The following AKT3 variants were observed in gnomAD, a reference collection of about 807,000 sequenced individuals.
AKT3 encodes AKT serine/threonine kinase 3, also known as RAC-gamma serine/threonine-protein kinase.
In AKT3, 15 loss-of-function variants were observed where a neutral mutation model predicts 65.3. That is an observed-to-expected ratio of 0.23 (90% CI 0.15 to 0.35). AKT3 has a LOEUF of 0.35. Ranked by LOEUF, AKT3 falls within the 10% of genes least tolerant of loss-of-function variation. AKT3 has a pLI of 1.00. For synonymous variants in AKT3, 206 were observed against 183.8 expected, an observed-to-expected ratio of 1.12 and a Z score of -0.98; for missense variants, 243 against 576.5, an observed-to-expected ratio of 0.42 and a Z score of 5.92.
intron 6 of AKT3, among the ~76,000 whole-genome samples, chr1:243,630,113 C>T (rs977125137): frequency 2.6e-5 from 4 of 152,140 alleles, no homozygotes; most frequent in Non-Finnish European, 5.9e-5. Context: ...TACAAAAGCT[C>T]AAAATACCGT....
chr1:243,817,950 T>C (rs1347350442), intron 2 of AKT3: 1 of 152,242 alleles, frequency 6.6e-6, no homozygotes, highest in African/African-American at 2.4e-5. Context: ...TGACATCTAT[T>C]TTAAGATGTT....
At chr1:243,773,207 A>AAAAT (rs769136156) in intron 2 of AKT3, among the ~76,000 whole-genome samples, 1 of 145,292 alleles carries the variant, frequency 6.9e-6, no homozygotes, top group African/African-American at 2.5e-5. Flanking sequence ...ATATATAAAA[A>AAAAT]ATATATATAT....
At chr1:243,650,276 G>C (rs1372661450) in intron 4 of AKT3, among the ~76,000 whole-genome samples, 1 of 152,088 alleles carries the variant, frequency 6.6e-6, no homozygotes, top group African/African-American at 2.4e-5. Flanking sequence ...TTATAAATTT[G>C]TTTAAGTTCT....
chr1:243,597,442 T>C (rs577431549), intron 8 of AKT3, among the ~76,000 whole-genome samples: 7 of 152,316 alleles, frequency 4.6e-5, no homozygotes, highest in Non-Finnish European at 1.0e-4. Context: ...TTCTGTTTCA[T>C]ACCTCAAAAA....
intron 2 of AKT3, among the ~76,000 whole-genome samples, chr1:243,763,934 T>C (rs983032210): frequency 6.6e-6 from 1 of 152,068 alleles, no homozygotes; most frequent in Non-Finnish European, 1.5e-5. Context: ...TTCATCAATC[T>C]AATCAGCAGA....
intron 4 of AKT3, 97 bp from the exon 5 acceptor site, chr1:243,646,134 T>A: frequency 9.2e-7 from 1 of 1,083,062 alleles, no homozygotes. Flanking sequence ...ATAAAATCTA[T>A]TCAGAGATCA....
At chr1:243,842,359 A>T (rs1695294245) in intron 2 of AKT3, among the ~76,000 whole-genome samples, 1 of 152,220 alleles carries the variant, frequency 6.6e-6, no homozygotes, top group Admixed American at 6.5e-5. Context: ...CGACGTGGCC[A>T]TGTGGGTAAA....
At chr1:243,754,129 G>A (rs1688979350) in intron 2 of AKT3, among the ~76,000 whole-genome samples, 2 of 152,144 alleles carry the variant, frequency 1.3e-5, no homozygotes, top group South Asian at 4.1e-4. Flanking sequence ...TACACAGCCA[G>A]CTTATCCTTA....
intron 2 of AKT3, among the ~76,000 whole-genome samples, chr1:243,725,040 C>CA (rs76839576): frequency 0.011 from 1,404 of 126,810 alleles, 20 homozygotes; most frequent in South Asian, 0.017. Context: ...TTGTCTAGAC[C>CA]AAAAAAAAAA....
intron 12 of AKT3, 109 bp from the exon 13 acceptor site, chr1:243,512,535 C>A (rs991996964): frequency 2.9e-6 from 2 of 693,384 alleles, no homozygotes; most frequent in Admixed American, 6.5e-5. Context: ...CAAAAGTCTA[C>A]AATGCTGAGT....
intron 8 of AKT3, 119 bp from the exon 9 acceptor site, chr1:243,573,167 G>T: frequency 8.2e-7 from 1 of 1,218,128 alleles, no homozygotes; most frequent in Non-Finnish European, 1.1e-6. Flanking sequence ...TACTCTCAGT[G>T]GACACTGAGC....
chr1:243,504,941 ATGG>A lies in AKT3; in HGVS notation c.*305_*307del. 2.9e-6 allele frequency: 1 copy of A among 349,308 alleles called. No homozygotes were observed. Among genetic ancestry groups the A allele is most frequent in the Non-Finnish European group, 5.2e-6 (1 of 193,430 alleles). 21.6% of individuals were successfully genotyped at this position (349,308 alleles called of 1,614,324 possible). On this transcript the variant is annotated 3_prime_UTR_variant, in exon 14 of 14. Coordinates refer to ENST00000673466, the MANE Select transcript of AKT3 (RefSeq NM_005465.7). ...ATGATAATTGGTGCACAAATGAACA[ATGG>A]TGGGCTCATGACTTCCAAAGGTTGG...
At chr1:243,657,059 A>G (rs888309311) in intron 4 of AKT3, among the ~76,000 whole-genome samples, 3 of 152,234 alleles carry the variant, frequency 2.0e-5, no homozygotes, top group African/African-American at 7.2e-5. Flanking sequence ...AGGTCTACAA[A>G]GAATAAATGT....
At chr1:243,558,079 C>T (rs1218110275) in intron 10 of AKT3, among the ~76,000 whole-genome samples, 1 of 151,978 alleles carries the variant, frequency 6.6e-6, no homozygotes, top group Non-Finnish European at 1.5e-5. Flanking sequence ...CTCTTCAGAT[C>T]TCCTAAAAAC....
At chr1:243,528,004 T>G (rs1027677679) in intron 12 of AKT3, among the ~76,000 whole-genome samples, 5 of 150,126 alleles carry the variant, frequency 3.3e-5, no homozygotes, top group Non-Finnish European at 5.9e-5. Context: ...TCTGCCTAAA[T>G]ACCATAACTT....
chr1:243,681,491 ACT>A (rs1683914559), intron 3 of AKT3, among the ~76,000 whole-genome samples: 1 of 152,012 alleles, frequency 6.6e-6, no homozygotes. Flanking sequence ...ACATAATAAA[ACT>A]CTATCAAATT....
chr1:243,757,447 A>G (rs1572288674), intron 2 of AKT3, among the ~76,000 whole-genome samples: 1 of 152,076 alleles, frequency 6.6e-6, no homozygotes, highest in Admixed American at 6.5e-5. Context: ...GTGAAACCCC[A>G]TCTCTACTAA....
chr1:243,735,350 AT>A (rs1242041898), intron 2 of AKT3, among the ~76,000 whole-genome samples: 1 of 152,210 alleles, frequency 6.6e-6, no homozygotes, highest in African/African-American at 2.4e-5. Flanking sequence ...GGCAATAAGA[AT>A]TTTTTAGTTC....
chr1:243,755,988 A>G (rs1689114367), intron 2 of AKT3, among the ~76,000 whole-genome samples: 1 of 152,254 alleles, frequency 6.6e-6, no homozygotes. Context: ...AGTGGCCAGC[A>G]TGATTGAGAG....
Sources: gnomAD v4.1 joint callset for allele counts (sites outside exome capture counted in the v4.1 genomes callset) on GRCh38, gnomAD v4.1.1 for gene constraint, MANE v1.5 for transcripts, NCBI Gene and HGNC (gene_info 2026-07-23, HGNC 2026-07-21) for gene names.